The following CNTNAP2 variants were observed in gnomAD, a reference collection of about 807,000 sequenced individuals.
CNTNAP2 encodes contactin associated protein 2, also known as contactin-associated protein-like 2.
CNTNAP2 carries 98 observed loss-of-function variants against 155.2 expected under a neutral mutation model. That is an observed-to-expected ratio of 0.63 (90% CI 0.54 to 0.75). The LOEUF (loss-of-function observed/expected upper bound fraction) is 0.75. CNTNAP2 is among the 30% of genes least tolerant of loss of function. The pLI is 0.00. For missense variants in CNTNAP2, 1,727 were observed against 1,688.1 expected (o/e 1.02, Z -0.40); for synonymous variants, 651 against 631.2 (o/e 1.03, Z -0.47).
At chr7:146,969,893 A>G (rs1797745830) in intron 3 of CNTNAP2, among the ~76,000 whole-genome samples, 1 of 152,210 alleles carries the variant, frequency 6.6e-6, no homozygotes, top group African/African-American at 2.4e-5. Flanking sequence ...CAGAGCCCTC[A>G]GAAATAATGC....
intron 10 of CNTNAP2, among the ~76,000 whole-genome samples, chr7:147,428,007 CATT>C (rs1383255877): frequency 1.3e-5 from 2 of 152,094 alleles, no homozygotes; most frequent in Admixed American, 6.6e-5. Context: ...AAAATAGTAA[CATT>C]ATCTTTCAAA....
chr7:147,633,169 C>A (rs550603663), intron 12 of CNTNAP2, among the ~76,000 whole-genome samples: 52 of 152,310 alleles, frequency 3.4e-4, no homozygotes, highest in African/African-American at 1.2e-3. Flanking sequence ...CCAGCCTTGG[C>A]TAAAAGGGGT....
At chr7:147,002,526 G>A (rs540262464) in intron 3 of CNTNAP2, among the ~76,000 whole-genome samples, 4 of 152,034 alleles carry the variant, frequency 2.6e-5, no homozygotes, top group East Asian at 1.9e-4. Context: ...CAAACAAAAC[G>A]TCACGAAATT....
intron 4 of CNTNAP2, among the ~76,000 whole-genome samples, chr7:147,064,778 T>A (rs1395084735): frequency 1.3e-5 from 2 of 152,150 alleles, no homozygotes; most frequent in African/African-American, 4.8e-5. Context: ...AACAAAACTA[T>A]ATAAAACAAA....
chr7:147,431,975 A>G (rs1584945148), intron 10 of CNTNAP2, among the ~76,000 whole-genome samples: 1 of 152,190 alleles, frequency 6.6e-6, no homozygotes, highest in Non-Finnish European at 1.5e-5. Flanking sequence ...GCCTTTCAGT[A>G]TATCTGGGTT....
At chr7:147,814,521 A>G (rs1317030930) in intron 13 of CNTNAP2, among the ~76,000 whole-genome samples, 2 of 152,220 alleles carry the variant, frequency 1.3e-5, no homozygotes, top group Admixed American at 1.3e-4. Flanking sequence ...TGTGGAAAAC[A>G]GCTTAAGAGG....
intron 1 of CNTNAP2, among the ~76,000 whole-genome samples, chr7:146,654,407 C>T (rs13239405): frequency 0.47 from 71,051 of 151,730 alleles, 17,501 homozygotes; most frequent in South Asian, 0.57. Flanking sequence ...GCACTTGTTA[C>T]TCACCCTAGA....
At chr7:147,292,920 C>T (rs915864600) in intron 8 of CNTNAP2, among the ~76,000 whole-genome samples, 1 of 152,142 alleles carries the variant, frequency 6.6e-6, no homozygotes, top group East Asian at 1.9e-4. Context: ...CAGGCATGCA[C>T]CACCATGCTG....
At chr7:146,548,798 G>GTT (rs71165013) in intron 1 of CNTNAP2, among the ~76,000 whole-genome samples, 7,806 of 123,570 alleles carry the variant, frequency 0.063, 339 homozygotes, top group African/African-American at 0.098. Flanking sequence ...CATTCTCTAG[G>GTT]TTTTTTTTTT....
intron 3 of CNTNAP2, among the ~76,000 whole-genome samples, chr7:147,032,336 T>C (rs1337307240): frequency 2.0e-5 from 3 of 152,228 alleles, no homozygotes; most frequent in Non-Finnish European, 4.4e-5. Flanking sequence ...ACTTTCCTTC[T>C]GTGGCACATA....
chr7:147,623,838 G>A (rs922944391), intron 12 of CNTNAP2, among the ~76,000 whole-genome samples: 5 of 151,948 alleles, frequency 3.3e-5, no homozygotes, highest in African/African-American at 9.7e-5. Flanking sequence ...CAAAACTGGA[G>A]GAATCACATT....
intron 10 of CNTNAP2, among the ~76,000 whole-genome samples, chr7:147,449,876 T>C (rs1797801470): frequency 6.6e-6 from 1 of 152,208 alleles, no homozygotes; most frequent in Non-Finnish European, 1.5e-5. Context: ...TTCCTCAATA[T>C]TCAATTTGTC....
chr7:147,499,126 T>C (rs933728217), intron 11 of CNTNAP2, among the ~76,000 whole-genome samples: 2 of 152,216 alleles, frequency 1.3e-5, no homozygotes, highest in African/African-American at 4.8e-5. Context: ...AAAAGTGCAG[T>C]AAATGAATAT....
At chr7:146,272,430 T>A (rs1476828996) in intron 1 of CNTNAP2, among the ~76,000 whole-genome samples, 1 of 152,162 alleles carries the variant, frequency 6.6e-6, no homozygotes, top group East Asian at 1.9e-4. Flanking sequence ...TGCAACACTG[T>A]TATTCTCCTT....
At chr7:146,960,429 T>C (rs1584750265) in intron 3 of CNTNAP2, among the ~76,000 whole-genome samples, 2 of 152,210 alleles carry the variant, frequency 1.3e-5, no homozygotes, top group East Asian at 3.9e-4. Flanking sequence ...TGTACTTTTC[T>C]GTGCAGTGCC....
chr7:147,254,133 C>A (rs1302190328), intron 8 of CNTNAP2, among the ~76,000 whole-genome samples: 1 of 152,070 alleles, frequency 6.6e-6, no homozygotes, highest in Non-Finnish European at 1.5e-5. Context: ...CAGGGCCTGT[C>A]TGTGAAAATG....
chr7:148,107,963 C>A (rs4726922), intron 15 of CNTNAP2, among the ~76,000 whole-genome samples: 1 of 151,996 alleles, frequency 6.6e-6, no homozygotes, highest in African/African-American at 2.4e-5. Flanking sequence ...CCACTGGAGC[C>A]AGCCTGGCAG....
At chr7:147,333,749 G>A (rs1795617870) in intron 9 of CNTNAP2, among the ~76,000 whole-genome samples, 1 of 152,058 alleles carries the variant, frequency 6.6e-6, no homozygotes, top group South Asian at 2.1e-4. Context: ...GTACAAATAT[G>A]TGCTTGTTAA....
chr7:148,182,362 AAGCAGGTCCATTCACCAACG>A (rs1795053207), intron 18 of CNTNAP2, among the ~76,000 whole-genome samples: 3 of 54,578 alleles, frequency 5.5e-5, no homozygotes, highest in African/African-American at 1.2e-4. Context: ...GCTGCCCTGC[AAGCAGGTCCATTCACCAACG>A]TCCACGCTGC....
Sources: allele counts gnomAD v4.1 joint callset (sites outside exome capture counted in the v4.1 genomes callset), GRCh38; gene constraint gnomAD v4.1.1; transcripts MANE v1.5; gene names NCBI Gene and HGNC (gene_info 2026-07-23, HGNC 2026-07-21).